The following GTF3C3 variants were observed in gnomAD, a reference collection of about 807,000 sequenced individuals.
GTF3C3 encodes general transcription factor 3C polypeptide 3.
A neutral mutation model predicts 105.2 loss-of-function variants in GTF3C3; 75 were observed. That is an observed-to-expected ratio of 0.71 (90% CI 0.59 to 0.86). The LOEUF (loss-of-function observed/expected upper bound fraction) is 0.86, where lower values mean the gene tolerates loss of function less well. Among genes scored for constraint, GTF3C3 ranks in the 40% least tolerant of loss-of-function variants. The pLI, the probability that GTF3C3 is intolerant of heterozygous loss-of-function variation, is 0.00. For synonymous variants in GTF3C3, 335 were observed against 370.4 expected, an observed-to-expected ratio of 0.90 and a Z score of 1.10; for missense variants, 856 against 1,076.5, an observed-to-expected ratio of 0.80 and a Z score of 2.87.
chr2:196,779,128 A>T, intron 9 of GTF3C3, 61 bp from the exon 10 acceptor site: 2 of 1,240,302 alleles, frequency 1.6e-6, no homozygotes, highest in Non-Finnish European at 2.3e-6. Flanking sequence ...ATCTATCTAT[A>T]GCTTTTTTTT....
intron 2 of GTF3C3, among the ~76,000 whole-genome samples, chr2:196,793,756 T>A (rs1447143597): frequency 6.6e-6 from 1 of 152,230 alleles, no homozygotes; most frequent in Non-Finnish European, 1.5e-5. Flanking sequence ...TTATTAGTAT[T>A]AAAATAGCTT....
intron 2 of GTF3C3, among the ~76,000 whole-genome samples, chr2:196,794,128 C>T (rs1379478557): frequency 1.3e-5 from 2 of 152,076 alleles, no homozygotes; most frequent in Admixed American, 1.3e-4. Context: ...GGAAGACAGA[C>T]CTGAGCTAGC....
intron 16 of GTF3C3, among the ~76,000 whole-genome samples, chr2:196,769,278 T>C (rs1699128102): frequency 6.6e-6 from 1 of 152,174 alleles, no homozygotes; most frequent in Non-Finnish European, 1.5e-5. Context: ...CAAGTCAACA[T>C]TTTCTTTCTT....
Position 196,789,885 on chromosome 2 carries a change from T to C in GTF3C3, c.721A>G (p.Thr241Ala), listed in dbSNP as rs372839457. 1.9e-6 allele frequency: 3 copies of C among 1,567,302 alleles called. No homozygotes were observed. The highest frequency in any genetic ancestry group is 2.1e-5 in the Admixed American group (1 of 47,780). Residue 241 changes from threonine to alanine, a missense_variant, in exon 5 of 18, where the codon ACA becomes GCA. This residue lies in a region of GTF3C3 where 605 missense variants were observed against 833.6 expected (regional missense o/e 0.73). Coordinates refer to ENST00000263956, the MANE Select transcript of GTF3C3 (RefSeq NM_012086.5). ...AAAAAAAAATTTTAATTACCTTTTG[T>C]ATAGCAAAAAATAGCCTGCTTAATA... ...DNIKQAIFCYTKALKYEPTNV... is the reference protein window; with the variant it reads ...DNIKQAIFCYAKALKYEPTNV...
chr2:196,789,303 C>A lies in GTF3C3; in HGVS notation c.794G>T (p.Gly265Val), dbSNP rs1416833997. ...WERSSLYEQM[G>V]DHKMAMDGYR... ...ACCATCCATGGCCATTTTATGATCA[C>A]CCATCTGTTCATAAAGGCTTGATCG... Residue 265 changes from glycine (G) to valine (V), a missense_variant, in exon 6 of 18, where the codon GGT becomes GTT. Coordinates refer to ENST00000263956, the MANE Select transcript of GTF3C3 (RefSeq NM_012086.5). The A allele has an allele frequency of 5.0e-6, 8 of 1,612,162 alleles. No homozygotes were observed. The highest frequency in any genetic ancestry group is 6.8e-6 in the Non-Finnish European group (8 of 1,178,432).
intron 6 of GTF3C3, among the ~76,000 whole-genome samples, chr2:196,785,836 T>C (rs1473445080): frequency 6.6e-6 from 1 of 152,170 alleles, no homozygotes; most frequent in Non-Finnish European, 1.5e-5. Flanking sequence ...TCATTCCCTA[T>C]GTAATCCAAT....
intron 12 of GTF3C3, 32 bp downstream of exon 12, chr2:196,775,978 C>G (rs1257235926): frequency 1.0e-6 from 1 of 985,876 alleles, no homozygotes; most frequent in East Asian, 2.6e-5. Context: ...AAAAAGTCAA[C>G]AAGGCTAACA....
rs117523668 is a variant in GTF3C3 at position 196,781,139 on chromosome 2, A to G, written c.1115-477T>C. 5.2e-3 allele frequency among the ~76,000 whole-genome samples: 785 copies of G among 151,742 alleles called. 21 individuals carry two copies. The highest frequency in any genetic ancestry group is 0.045 in the Admixed American group (679 of 15,208). ...GTTTGCAAAGTCTAATAAATTCCAA[A>G]TAAGTTTACATGTTTTCGTTTCAGA... is the stretch of plus-strand genomic sequence containing the variant. On this transcript the variant is annotated intron_variant, in intron 8 of 17. Coordinates refer to ENST00000263956, the MANE Select transcript of GTF3C3 (RefSeq NM_012086.5).
intron 8 of GTF3C3, among the ~76,000 whole-genome samples, chr2:196,783,780 T>C (rs1298041708): frequency 6.6e-6 from 1 of 152,186 alleles, no homozygotes; most frequent in Non-Finnish European, 1.5e-5. Flanking sequence ...ACAGAAATTA[T>C]CACACAACTC....
At chr2:196,790,150 A>G (rs1699522548) in intron 4 of GTF3C3, 80 bp from the exon 5 acceptor site, 2 of 864,254 alleles carry the variant, frequency 2.3e-6, no homozygotes, top group Non-Finnish European at 3.4e-6. Flanking sequence ...TTCAAACTGT[A>G]TGTCTTTTTT....
chr2:196,784,723 G>T, intron 8 of GTF3C3, 134 bp downstream of exon 8: 2 of 1,104,268 alleles, frequency 1.8e-6, no homozygotes, highest in Non-Finnish European at 2.4e-6. Context: ...AGAAAAAAAT[G>T]CTTCTTGGGA....
At chr2:196,787,981 T>C (rs570317652) in intron 6 of GTF3C3, among the ~76,000 whole-genome samples, 1 of 152,206 alleles carries the variant, frequency 6.6e-6, no homozygotes, top group African/African-American at 2.4e-5. Flanking sequence ...CAAAAAAGTA[T>C]TATATCTAAT....
rs1486566363 is a variant in GTF3C3 at position 196,776,816 on chromosome 2, T to C, written c.1391-187A>G. 1.3e-5 allele frequency among the ~76,000 whole-genome samples: 2 copies of C among 152,218 alleles called. No homozygotes were observed. The highest frequency in any genetic ancestry group is 2.9e-5 in the Non-Finnish European group (2 of 68,030). On this transcript the variant is annotated intron_variant, in intron 10 of 17. Transcript: ENST00000263956. The surrounding 1 kb of genome is among the most constrained non-coding windows in gnomAD (Gnocchi z 4.5). ...AATCGATCTAATAAATTTAAATTGC[T>C]AAGGAGTAATCAGTGTATACATATA...
At chr2:196,784,983 A>G in intron 7 of GTF3C3, 54 bp from the exon 8 acceptor site, 1 of 1,165,104 alleles carries the variant, frequency 8.6e-7, no homozygotes. Context: ...AAACCATTTC[A>G]TAATGCAAAG....
rs1334452646 is a variant in GTF3C3 at position 196,799,497 on chromosome 2, A to C, written c.102+13T>G. 6.2e-7 allele frequency: 1 copy of C among 1,602,770 alleles called. No homozygotes were observed. The highest frequency in any genetic ancestry group is 1.1e-5 in the South Asian group (1 of 90,840). Reference sequence around the variant, plus strand: ...ACAAGAGTGAAGGGCACCGTGGCCTAGCATCGCCTCACTTTCTTCTCGCGG... The same window carrying C: ...ACAAGAGTGAAGGGCACCGTGGCCTCGCATCGCCTCACTTTCTTCTCGCGG... On this transcript the variant is annotated intron_variant, in intron 1 of 17. Coordinates refer to ENST00000263956, the MANE Select transcript of GTF3C3 (RefSeq NM_012086.5).
intron 14 of GTF3C3, 91 bp from the exon 15 acceptor site, chr2:196,772,029 A>T: frequency 1.3e-6 from 1 of 768,362 alleles, no homozygotes; most frequent in Admixed American, 2.1e-5. Flanking sequence ...TCCTACCAGC[A>T]CTGAAATGTA....
intron 2 of GTF3C3, among the ~76,000 whole-genome samples, chr2:196,794,070 G>T (rs933797412): frequency 7.2e-5 from 11 of 152,154 alleles, no homozygotes; most frequent in Admixed American, 5.2e-4. Context: ...ATCCATTCAT[G>T]ATTTAATGGG....
At position 196,764,679 on chromosome 2, in the gene GTF3C3, C is replaced by T; in HGVS notation, c.2545G>A (p.Glu849Lys). 6.2e-7 allele frequency: 1 copy of T among 1,611,318 alleles called. No individual in the cohort carries two copies. The change falls in exon 18 of 18, where the codon GAA (glutamate) becomes AAA (lysine). Residue 849 changes from glutamate (E) to lysine (K), a missense_variant. Glu to Lys is a moderately conservative substitution (Grantham distance 56). Coordinates refer to ENST00000263956, the MANE Select transcript of GTF3C3 (RefSeq NM_012086.5). ...ELPPLVVEGI[E>K]LDQLDLRRDI... ...CTTCGTAAGTCTAACTGGTCAAGTT[C>T]TATACCCTAGGGAGAAAAAGATACC...
chr2:196,791,192 C>G (rs906635922), intron 4 of GTF3C3, 145 bp downstream of exon 4: 5 of 623,166 alleles, frequency 8.0e-6, no homozygotes, highest in Non-Finnish European at 1.1e-5. Flanking sequence ...TTTTCATTTT[C>G]TTGTGAAAAG....
Sources: allele counts gnomAD v4.1 joint callset (sites outside exome capture counted in the v4.1 genomes callset), GRCh38; gene constraint gnomAD v4.1.1; regional missense constraint gnomAD v4.1.1; non-coding constraint Gnocchi (gnomAD v3.1); transcripts MANE v1.5; gene names NCBI Gene and HGNC (gene_info 2026-07-23, HGNC 2026-07-21).